Variants in KIF1A observed in about 807,000 individuals in gnomAD.
The protein encoded by KIF1A is kinesin-like protein KIF1A.
A neutral mutation model predicts 227.3 loss-of-function variants in KIF1A; 46 were observed. That is an observed-to-expected ratio of 0.20 (90% CI 0.16 to 0.26). The LOEUF (loss-of-function observed/expected upper bound fraction) is 0.26. Among genes scored for constraint, KIF1A ranks in the 10% least tolerant of loss-of-function variants. The pLI is 1.00. For synonymous variants in KIF1A, 1,022 were observed against 1,012.8 expected (o/e 1.01, Z -0.17); for missense variants, 1,683 against 2,485.9 (o/e 0.68, Z 6.87).
chr2:240,742,807 A>T (rs2125767793), intron 34 of KIF1A, 122 bp downstream of exon 34: 1 of 872,488 alleles, frequency 1.1e-6, no homozygotes, highest in Non-Finnish European at 1.8e-6. Flanking sequence ...GTGGCGCCAG[A>T]GTGCCTGGGA....
At chr2:240,805,498 A>T (rs1233894109) in intron 1 of KIF1A, among the ~76,000 whole-genome samples, 1 of 152,236 alleles carries the variant, frequency 6.6e-6, no homozygotes, top group Non-Finnish European at 1.5e-5. Flanking sequence ...GAAAATATAA[A>T]ACCAAAGTTC....
At position 240,766,861 on chromosome 2, in the gene KIF1A, G is replaced by T; in HGVS notation, c.1684+54C>A. The stretch of plus-strand genomic sequence containing the variant: ...GGAGAGGGTGACCTCATTCAGGCCT[G>T]ATCATCACGGCACAGGGGCATGGGT... On this transcript the variant is annotated intron_variant, in intron 19 of 48. Transcript: ENST00000498729. The surrounding 1 kb of genome is among the most constrained non-coding windows in gnomAD (Gnocchi z 5.0). 1 of 1,300,670 alleles carries T rather than the reference G, an allele frequency of 7.7e-7. No individual in the cohort carries two copies. The highest frequency in any genetic ancestry group is 1.1e-6 in the Non-Finnish European group (1 of 918,800). The allele number at this position is 1,300,670 out of a possible 1,614,324, so 80.6% of individuals were successfully genotyped here. A position where few individuals can be genotyped will look rare whatever the true frequency, so the allele number is the denominator to read the frequency against.
At position 240,766,743 on chromosome 2, in the gene KIF1A, TCTCTCTCACACACA is replaced by T. The variant is rs1450309454; in HGVS notation, c.1684+158_1684+171del. 5.6e-5 allele frequency among the ~76,000 whole-genome samples: 7 copies of T among 125,516 alleles called. No individual in the cohort carries two copies. Among genetic ancestry groups the T allele is most frequent in the Non-Finnish European group, 1.1e-4 (7 of 60,964 alleles). 82.3% of individuals were successfully genotyped at this position (125,516 alleles called of 152,430 possible). A position where few individuals can be genotyped will look rare whatever the true frequency, so the allele number is the denominator to read the frequency against. ...CCAAATCTCTCTCTCTCTCTCTCTC[TCTCTCTCACACACA>T]CACACACACACACACACACACACAC... On this transcript the variant is annotated intron_variant, in intron 19 of 48. Transcript: ENST00000498729. This position sits in a 1 kb window ranked among gnomAD's most constrained non-coding sequence, Gnocchi z 5.0.
At position 240,774,260 on chromosome 2, in the gene KIF1A, G is replaced by C. The variant is rs764792688; in HGVS notation, c.960C>G (p.Gly320=). 3 of 1,608,162 alleles carry C rather than the reference G, an allele frequency of 1.9e-6. No homozygotes were observed. The highest frequency in any genetic ancestry group is 1.7e-6 in the Non-Finnish European group (2 of 1,175,410). The change falls in exon 12 of 49, where the codon GGC becomes GGG. Residue 320 remains glycine (G), a splice_region_variant and synonymous_variant. Coordinates refer to ENST00000498729, the MANE Select transcript of KIF1A (RefSeq NM_001244008.2). ...CCACCATAGCTGTCCTTGAGTTACC[G>C]CCTGTGGGAAGAAGACCAGGTTGTG... ...VLTWLLRENL[G]GNSRTAMVAA...
intron 1 of KIF1A, among the ~76,000 whole-genome samples, chr2:240,805,661 G>T (rs1255413856): frequency 7.8e-6 from 1 of 127,692 alleles, no homozygotes; most frequent in South Asian, 2.2e-4. Flanking sequence ...TGTGCCTCTC[G>T]CAGAAAATTA....
rs1287769804 is a variant in KIF1A at position 240,797,732 on chromosome 2, C to T, written c.21G>A (p.Lys7=). ...TGAAGGGGCGGACCCGCACCGCCAC[C>T]TTCACCGAAGCCCCGGCCATCTCTG... The part of the protein sequence containing the change: MAGASV[K]VAVRVRPFNS... Residue 7 remains lysine (K), a synonymous_variant, in exon 2 of 49, where the codon AAG becomes AAA. Coordinates refer to ENST00000498729, the MANE Select transcript of KIF1A (RefSeq NM_001244008.2). 6.2e-7 allele frequency: 1 copy of T among 1,611,228 alleles called. No individual in the cohort carries two copies. Among genetic ancestry groups the T allele is most frequent in the South Asian group, 1.1e-5 (1 of 90,660 alleles).
intron 14 of KIF1A, 150 bp downstream of exon 14, chr2:240,772,420 A>T: frequency 3.0e-6 from 2 of 658,516 alleles, no homozygotes; most frequent in Non-Finnish European, 5.4e-6. Context: ...CCTGTGGCTG[A>T]GGGAGAGCAG....
chr2:240,719,213 A>G lies in KIF1A; in HGVS notation c.5022-15T>C, dbSNP rs778341179. The G allele has an allele frequency of 1.9e-6, 3 of 1,589,056 alleles. No homozygotes were observed. The highest frequency in any genetic ancestry group is 2.2e-5 in the South Asian group (2 of 89,092). On this transcript the variant is annotated splice_polypyrimidine_tract_variant and intron_variant, in intron 46 of 48. Coordinates refer to ENST00000498729, the MANE Select transcript of KIF1A (RefSeq NM_001244008.2). ...AAACGATCGGGCTGAAGGCAGAGAG[A>G]GCTGCTCGCTGGGGCCCTCGGTGGG...
In KIF1A at chr2:240,778,168, C is replaced by A. The variant is rs564376660; in HGVS notation, c.883-2242G>T. Among the ~76,000 whole-genome samples, 2 of 152,098 alleles carry A rather than the reference C, an allele frequency of 1.3e-5. 1 individual carries two copies. Among genetic ancestry groups the A allele is most frequent in the South Asian group, 4.2e-4 (2 of 4,818 alleles). Reference sequence around the variant, plus strand: ...CAGGAAAACGGCAGTCACTCGAATGCGGACCCCACCCACGGGATGGCTGCC... The same window carrying A: ...CAGGAAAACGGCAGTCACTCGAATGAGGACCCCACCCACGGGATGGCTGCC... On this transcript the variant is annotated intron_variant, in intron 10 of 48. Transcript: ENST00000498729. The surrounding 1 kb of genome is among the most constrained non-coding windows in gnomAD (Gnocchi z 7.2).
chr2:240,808,002 AC>A (rs1239649612), intron 1 of KIF1A, among the ~76,000 whole-genome samples: 1 of 152,202 alleles, frequency 6.6e-6, no homozygotes, highest in Non-Finnish European at 1.5e-5. Flanking sequence ...AACTTTTTTA[AC>A]CTCATAATAG....
chr2:240,744,085 C>A (rs546776765), intron 32 of KIF1A, 25 bp from the exon 33 acceptor site: 1 of 1,471,764 alleles, frequency 6.8e-7, no homozygotes, highest in Admixed American at 1.7e-5. Context: ...GGTGGGAGGA[C>A]AGGAGGGCAC....
intron 2 of KIF1A, among the ~76,000 whole-genome samples, chr2:240,795,577 G>A (rs1307100739): frequency 6.6e-6 from 1 of 152,200 alleles, no homozygotes; most frequent in African/African-American, 2.4e-5. Context: ...TTCACCAGCT[G>A]GGCAGTGCTG....
intron 1 of KIF1A, among the ~76,000 whole-genome samples, chr2:240,798,342 AAAG>A (rs1279555056): frequency 1.1e-4 from 16 of 152,284 alleles, no homozygotes; most frequent in Non-Finnish European, 1.0e-4. Flanking sequence ...TCAGAAATGA[AAAG>A]AACAGCACAG....
At position 240,736,211 on chromosome 2, in the gene KIF1A, C is replaced by T. The variant is rs1223546707; in HGVS notation, c.4007+852G>A. On this transcript the variant is annotated intron_variant, in intron 38 of 48. Transcript: ENST00000498729. This position sits in a 1 kb window ranked among gnomAD's most constrained non-coding sequence, Gnocchi z 4.7. ...CTCCTTGCAGGGAGGCCCTCAAAGA[C>T]GTTTTCCTACAAACACAGCCATGGA... 2.6e-5 allele frequency among the ~76,000 whole-genome samples: 4 copies of T among 152,286 alleles called. No homozygotes were observed. The highest frequency in any genetic ancestry group is 5.9e-5 in the Non-Finnish European group (4 of 68,020).
At chr2:240,723,818 C>T (rs1044125718) in intron 41 of KIF1A, among the ~76,000 whole-genome samples, 157 bp downstream of exon 41, 8 of 152,230 alleles carry the variant, frequency 5.3e-5, no homozygotes, top group African/African-American at 1.7e-4. Context: ...CTCCCTCGCT[C>T]TCCTCCCATC....
At position 240,725,469 on chromosome 2, in the gene KIF1A, C is replaced by A; in HGVS notation, c.4123-65G>T. ...CCGAGTGCCCAGGTGCCCTTCCAGCCTTCTCCTGGGGGCACAATGCCCAGC... is the reference window on the plus strand; with the variant it reads ...CCGAGTGCCCAGGTGCCCTTCCAGCATTCTCCTGGGGGCACAATGCCCAGC... On this transcript the variant is annotated intron_variant, in intron 39 of 48. Transcript: ENST00000498729. The surrounding 1 kb of genome is among the most constrained non-coding windows in gnomAD (Gnocchi z 5.8). 6.4e-7 allele frequency: 1 copy of A among 1,570,958 alleles called. No homozygotes were observed. The highest frequency in any genetic ancestry group is 8.7e-7 in the Non-Finnish European group (1 of 1,152,098).
intron 17 of KIF1A, among the ~76,000 whole-genome samples, chr2:240,767,676 G>A (rs1185899150): frequency 6.6e-6 from 1 of 152,258 alleles, no homozygotes; most frequent in Non-Finnish European, 1.5e-5. Flanking sequence ...GGGGCCCTGG[G>A]GCCCTCTGAG....
rs1319063516 is a variant in KIF1A, at chr2:240,786,268, G to A, written c.608+67C>T. ...CAAAAAGGGCCAGGACCGAGGTGAA[G>A]GGGCTTCCTCCGGGGAGAGGCGGCA... is the stretch of plus-strand genomic sequence containing the variant. On this transcript the variant is annotated intron_variant, in intron 6 of 48. Transcript: ENST00000498729. 10 of 1,496,268 alleles carry A rather than the reference G, an allele frequency of 6.7e-6. No homozygotes were observed. In the African/African-American group the frequency reaches 8.3e-5, roughly 12 times the overall value. The allele number at this position is 1,496,268 out of a possible 1,614,324, so 92.7% of individuals were successfully genotyped here.
At chr2:240,787,226 GC>G in intron 5 of KIF1A, 24 bp downstream of exon 5, 1 of 1,595,370 alleles carries the variant, frequency 6.3e-7, no homozygotes, top group Non-Finnish European at 8.6e-7. Flanking sequence ...TGCCCCAGCG[GC>G]CAACGGCAGG....
Sources: gnomAD v4.1 joint callset for allele counts (sites outside exome capture counted in the v4.1 genomes callset) on GRCh38, gnomAD v4.1.1 for gene constraint, Gnocchi (gnomAD v3.1) non-coding constraint, MANE v1.5 for transcripts, NCBI Gene and HGNC (gene_info 2026-07-23, HGNC 2026-07-21) for gene names.